The following PLD1 variants were observed in gnomAD, a reference collection of about 807,000 sequenced individuals.
The protein encoded by PLD1 is choline phosphatase 1.
In PLD1, 112 loss-of-function variants were observed where a neutral mutation model predicts 137.1. That is an observed-to-expected ratio of 0.82 (90% CI 0.70 to 0.96). PLD1 has a LOEUF of 0.96. PLD1 is among the 40% of genes least tolerant of loss of function. PLD1 has a pLI of 0.00. For missense variants in PLD1, 1,321 were observed against 1,342.0 expected, an observed-to-expected ratio of 0.98 and a Z score of 0.24; for synonymous variants, 431 against 454.7, an observed-to-expected ratio of 0.95 and a Z score of 0.66.
At chr3:171,733,027 A>T (rs570159482) in intron 6 of PLD1, among the ~76,000 whole-genome samples, 2 of 152,354 alleles carry the variant, frequency 1.3e-5, no homozygotes, top group South Asian at 4.1e-4. Flanking sequence ...ATCAGATGGC[A>T]ATCGCCCTAC....
chr3:171,679,415 T>G (rs1713728249), intron 16 of PLD1, among the ~76,000 whole-genome samples: 1 of 152,162 alleles, frequency 6.6e-6, no homozygotes, highest in Admixed American at 6.5e-5. Context: ...AAAGTACGGG[T>G]AGGTCTGTTT....
intron 1 of PLD1, among the ~76,000 whole-genome samples, chr3:171,808,945 C>T (rs990542105): frequency 1.3e-5 from 2 of 151,404 alleles, no homozygotes; most frequent in African/African-American, 4.9e-5. Context: ...CTGCCTCAGC[C>T]TCCCGAGTGG....
chr3:171,782,992 G>A (rs1722851065), intron 1 of PLD1, among the ~76,000 whole-genome samples: 1 of 152,162 alleles, frequency 6.6e-6, no homozygotes, highest in Non-Finnish European at 1.5e-5. Flanking sequence ...ATGGTAAAGA[G>A]CAGGGGATGG....
chr3:171,712,056 A>C (rs1215309845), intron 9 of PLD1, among the ~76,000 whole-genome samples: 1 of 152,184 alleles, frequency 6.6e-6, no homozygotes, highest in Non-Finnish European at 1.5e-5. Flanking sequence ...GAGGAAATGC[A>C]ATGATCCTGA....
intron 23 of PLD1, among the ~76,000 whole-genome samples, chr3:171,632,263 G>A (rs748471813): frequency 3.3e-5 from 5 of 152,074 alleles, no homozygotes; most frequent in Non-Finnish European, 7.4e-5. Context: ...TGAAAGCTCT[G>A]CCACCCCCCA....
chr3:171,782,673 A>T (rs1290837022), intron 1 of PLD1, among the ~76,000 whole-genome samples: 1 of 152,204 alleles, frequency 6.6e-6, no homozygotes, highest in Non-Finnish European at 1.5e-5. Flanking sequence ...AATGTTTACA[A>T]GATGTTGTTA....
At chr3:171,711,550 T>A (rs1717231909) in intron 9 of PLD1, among the ~76,000 whole-genome samples, 1 of 152,048 alleles carries the variant, frequency 6.6e-6, no homozygotes, top group African/African-American at 2.4e-5. Context: ...CATTTGTTCA[T>A]CGATTCCTAT....
chr3:171,804,082 T>C (rs1007903715), intron 1 of PLD1, among the ~76,000 whole-genome samples: 6 of 152,188 alleles, frequency 3.9e-5, no homozygotes, highest in African/African-American at 1.4e-4. Context: ...CATTTTTTTT[T>C]CCTATTCTTA....
chr3:171,607,583 TA>T (rs1221113683), intron 25 of PLD1, among the ~76,000 whole-genome samples: 1 of 152,182 alleles, frequency 6.6e-6, no homozygotes, highest in Non-Finnish European at 1.5e-5. Context: ...TTTTGAGGAC[TA>T]AAGTTTGAGA....
intron 1 of PLD1, among the ~76,000 whole-genome samples, chr3:171,802,432 T>G (rs1353084425): frequency 1.3e-5 from 2 of 152,168 alleles, no homozygotes. Flanking sequence ...AGATAACATT[T>G]GACCATTTTG....
intron 1 of PLD1, among the ~76,000 whole-genome samples, chr3:171,743,778 A>T (rs116384384): frequency 0.011 from 1,695 of 152,270 alleles, 40 homozygotes; most frequent in African/African-American, 0.039. Context: ...TCATGTGCTG[A>T]TGCACTGACA....
At chr3:171,669,788 G>C (rs1311789282) in intron 19 of PLD1, among the ~76,000 whole-genome samples, 1 of 152,172 alleles carries the variant, frequency 6.6e-6, no homozygotes, top group Non-Finnish European at 1.5e-5. Context: ...TGCTTTGCAT[G>C]GATTAATTTA....
intron 23 of PLD1, among the ~76,000 whole-genome samples, chr3:171,623,698 A>C (rs1413451488): frequency 1.3e-5 from 2 of 152,080 alleles, no homozygotes; most frequent in Non-Finnish European, 2.9e-5. Context: ...AAATAGACAG[A>C]TACACCAGTG....
chr3:171,763,596 A>G (rs1279219197), intron 1 of PLD1, among the ~76,000 whole-genome samples: 1 of 149,260 alleles, frequency 6.7e-6, no homozygotes, highest in African/African-American at 2.5e-5. Context: ...AGAAAAGAGA[A>G]CCTGCTGTAT....
chr3:171,783,835 A>G, intron 1 of PLD1, among the ~76,000 whole-genome samples: 1 of 152,078 alleles, frequency 6.6e-6, no homozygotes, highest in Non-Finnish European at 1.5e-5. Context: ...TTTTGTAGAG[A>G]TGCAGTCTCC....
intron 1 of PLD1, among the ~76,000 whole-genome samples, chr3:171,780,944 T>G (rs972024333): frequency 5.6e-4 from 85 of 152,348 alleles, no homozygotes; most frequent in African/African-American, 1.9e-3. Flanking sequence ...AGCTTTTTTG[T>G]ACAAATTAAT....
rs11720952 is a variant in PLD1 at position 171,724,812 on chromosome 3, C to T, written c.666-24G>A. ...CTCTGAAAGAGACAGAAAATTAACC[C>T]ATCACCTTCAAATTTCCCACTCCCA... On this transcript the variant is annotated intron_variant, in intron 7 of 26. Transcript: ENST00000351298. 4.8e-3 allele frequency: 6,927 copies of T among 1,440,414 alleles called. 27 individuals are homozygous for T. Among genetic ancestry groups the T allele is most frequent in the Non-Finnish European group, 5.7e-3 (5,874 of 1,027,790 alleles). 89.2% of individuals were successfully genotyped at this position (1,440,414 alleles called of 1,614,324 possible).
At chr3:171,744,342 C>T (rs1364696311) in intron 1 of PLD1, among the ~76,000 whole-genome samples, 1 of 152,120 alleles carries the variant, frequency 6.6e-6, no homozygotes, top group Non-Finnish European at 1.5e-5. Context: ...AAGGAGATTC[C>T]AAGACATGGA....
At chr3:171,703,602 A>C (rs559474670) in intron 11 of PLD1, among the ~76,000 whole-genome samples, 1 of 152,362 alleles carries the variant, frequency 6.6e-6, no homozygotes, top group Non-Finnish European at 1.5e-5. Flanking sequence ...CTCAGTAAAA[A>C]ATTTAACAAA....
Sources: allele counts gnomAD v4.1 joint callset (sites outside exome capture counted in the v4.1 genomes callset), GRCh38; gene constraint gnomAD v4.1.1; transcripts MANE v1.5; gene names NCBI Gene and HGNC (gene_info 2026-07-23, HGNC 2026-07-21).